The following ZDHHC12 variants were observed in gnomAD, a reference collection of about 807,000 sequenced individuals.
ZDHHC12 encodes zDHHC palmitoyltransferase 12.
ZDHHC12 carries 26 observed loss-of-function variants against 33.2 expected under a neutral mutation model. The ratio of observed to expected loss-of-function variants is 0.78; its 90% CI spans 0.57 to 1.09. The LOEUF (loss-of-function observed/expected upper bound fraction) is 1.09, where lower values mean the gene tolerates loss of function less well. Among genes scored for constraint, ZDHHC12 ranks in the 50% least tolerant of loss-of-function variants. The pLI, the probability that ZDHHC12 is intolerant of heterozygous loss-of-function variation, is 0.00. For missense variants in ZDHHC12, 350 were observed against 353.0 expected, an observed-to-expected ratio of 0.99 and a Z score of 0.07; for synonymous variants, 154 against 152.1, an observed-to-expected ratio of 1.01 and a Z score of -0.09.
chr9:128,721,843 C>G lies in ZDHHC12; in HGVS notation c.316-26G>C. ...CTGTGGGCATGGAGGAGAGTGGAGG[C>G]TCAGTGCCAGCCCTGCTGTGGGCCC... On this transcript the variant is annotated intron_variant, in intron 3 of 4. Transcript: ENST00000372663. The surrounding 1 kb of genome is among the most constrained non-coding windows in gnomAD (Gnocchi z 6.9). The G allele has an allele frequency of 1.2e-6, 2 of 1,608,934 alleles. No homozygotes were observed. Among genetic ancestry groups the G allele is most frequent in the Non-Finnish European group, 1.7e-6 (2 of 1,177,466 alleles).
In ZDHHC12 at chr9:128,721,566, C is replaced by G; in HGVS notation, c.483-64G>C. The G allele has an allele frequency of 6.3e-7, 1 of 1,587,996 alleles. No individual in the cohort carries two copies. The highest frequency in any genetic ancestry group is 1.3e-5 in the African/African-American group (1 of 74,462). ...GCAGGGGAGCCCTTCCCTCCCCATGCCGGGTCCCTGGGAGTCCTGGCTCTG... is the reference window on the plus strand; with the variant it reads ...GCAGGGGAGCCCTTCCCTCCCCATGGCGGGTCCCTGGGAGTCCTGGCTCTG... On this transcript the variant is annotated intron_variant, in intron 4 of 4. Transcript: ENST00000372663. This position sits in a 1 kb window ranked among gnomAD's most constrained non-coding sequence, Gnocchi z 6.9.
At position 128,721,433 on chromosome 9, in the gene ZDHHC12, G is replaced by A. The variant is rs1381852177; in HGVS notation, c.552C>T (p.Phe184=). 1 of 1,585,146 alleles carries A rather than the reference G, an allele frequency of 6.3e-7. No homozygotes were observed. The highest frequency in any genetic ancestry group is 2.3e-5 in the East Asian group (1 of 43,832). ...LRSSGLLFAT[F]LLLSLFSLVA... ...CCAACGAGAAGAGGGACAGCAGCAG[G>A]AAGGTGGCGAACAGGAGCCCGCTGG... is the stretch of plus-strand genomic sequence containing the variant. The change falls in exon 5 of 5, where the codon TTC becomes TTT. Residue 184 remains phenylalanine, a synonymous_variant. Transcript: ENST00000372663. This position sits in a 1 kb window ranked among gnomAD's most constrained non-coding sequence, Gnocchi z 6.9.
chr9:128,723,364 G>C lies in ZDHHC12; in HGVS notation c.100+630C>G, dbSNP rs965717331. On this transcript the variant is annotated intron_variant, in intron 1 of 4. Transcript: ENST00000372663. This position sits in a 1 kb window ranked among gnomAD's most constrained non-coding sequence, Gnocchi z 4.4. ...CCAGTCCAGAAACTGAGGCTGGACC[G>C]CCATGGAAGGAGGGCTGGGGTCTGC... 1.3e-5 allele frequency: 2 copies of C among 152,864 alleles called. No individual in the cohort carries two copies. Among genetic ancestry groups the C allele is most frequent in the Non-Finnish European group, 2.9e-5 (2 of 68,608 alleles). The allele number at this position is 152,864 out of a possible 1,614,324, so 9.5% of individuals were successfully genotyped here. A position where few individuals can be genotyped will look rare whatever the true frequency, so the allele number is the denominator to read the frequency against.
chr9:128,722,627 T>C lies in ZDHHC12; in HGVS notation c.101-53A>G, dbSNP rs1564382775. 2.6e-6 allele frequency: 4 copies of C among 1,563,292 alleles called. No individual in the cohort carries two copies. Among genetic ancestry groups the C allele is most frequent in the Admixed American group, 1.9e-5 (1 of 52,424 alleles). ...CTGGGCCGGGTAGAACAGGAGTGGG[T>C]GGGGTTGGGGTGCAGTTGGAGGTGG... is the stretch of plus-strand genomic sequence containing the variant. On this transcript the variant is annotated intron_variant, in intron 1 of 4. Transcript: ENST00000372663. This position sits in a 1 kb window ranked among gnomAD's most constrained non-coding sequence, Gnocchi z 4.2.
At position 128,721,248 on chromosome 9, in the gene ZDHHC12, C is replaced by G; in HGVS notation, c.737G>C (p.Trp246Ser). The G allele has an allele frequency of 6.2e-7, 1 of 1,605,448 alleles. No individual in the cohort carries two copies. The highest frequency in any genetic ancestry group is 8.5e-7 in the Non-Finnish European group (1 of 1,176,238). The change falls in exon 5 of 5, where the codon TGG (tryptophan) becomes TCG (serine). Residue 246 changes from tryptophan (W) to serine (S), a missense_variant. Physicochemically the swap from Trp to Ser is radical, Grantham distance 177 (BLOSUM62 -3). Coordinates refer to ENST00000372663, the MANE Select transcript of ZDHHC12 (RefSeq NM_032799.5). The surrounding 1 kb of genome is among the most constrained non-coding windows in gnomAD (Gnocchi z 6.9). ...GAGGGTCTCCCAGGACCCTGAGGGC[C>G]ATCCACAGAAGAAGTGGGCCAGGTT... ...TRNLAHFFCG[W>S]PSGSWETLWA...
chr9:128,723,856 G>A lies in ZDHHC12; in HGVS notation c.100+138C>T. The stretch of plus-strand genomic sequence containing the variant: ...GGTGGCTCTTGGAATGATAGATGGG[G>A]AGAGGGCTTCAGGAGCTGGTGGAGA... On this transcript the variant is annotated intron_variant, in intron 1 of 4. Coordinates refer to ENST00000372663, the MANE Select transcript of ZDHHC12 (RefSeq NM_032799.5). The surrounding 1 kb of genome is among the most constrained non-coding windows in gnomAD (Gnocchi z 4.4). The A allele has an allele frequency of 7.6e-7, 1 of 1,316,126 alleles. No homozygotes were observed. Among genetic ancestry groups the A allele is most frequent in the East Asian group, 2.6e-5 (1 of 38,064 alleles). The allele number at this position is 1,316,126 out of a possible 1,614,324, so 81.5% of individuals were successfully genotyped here. A position where few individuals can be genotyped will look rare whatever the true frequency, so the allele number is the denominator to read the frequency against.
chr9:128,721,991 T>C lies in ZDHHC12; in HGVS notation c.315+18A>G. On this transcript the variant is annotated intron_variant, in intron 3 of 4. Transcript: ENST00000372663. The surrounding 1 kb of genome is among the most constrained non-coding windows in gnomAD (Gnocchi z 6.9). ...GCTTTGGCCCAACCTCTCCCACGGG[T>C]GTCCGTGCATCACTCACCAGCACCA... is the stretch of plus-strand genomic sequence containing the variant. 3.1e-6 allele frequency: 5 copies of C among 1,613,770 alleles called. No individual in the cohort carries two copies. Among genetic ancestry groups the C allele is most frequent in the Non-Finnish European group, 4.2e-6 (5 of 1,179,930 alleles).
In ZDHHC12 at chr9:128,721,629, A is replaced by G; in HGVS notation, c.482+22T>C. The G allele has an allele frequency of 1.2e-6, 2 of 1,610,520 alleles. No individual in the cohort carries two copies. The highest frequency in any genetic ancestry group is 1.7e-6 in the Non-Finnish European group (2 of 1,177,860). ...GGAGCATTCATCCCACCCTCCCTCT[A>G]CACCCGGGCAGCAGCACCCACCATG... On this transcript the variant is annotated intron_variant, in intron 4 of 4. Transcript: ENST00000372663. The surrounding 1 kb of genome is among the most constrained non-coding windows in gnomAD (Gnocchi z 6.9).
chr9:128,723,777 A>C lies in ZDHHC12; in HGVS notation c.100+217T>G. 1.4e-6 allele frequency: 1 copy of C among 720,960 alleles called. No homozygotes were observed. The highest frequency in any genetic ancestry group is 2.2e-6 in the Non-Finnish European group (1 of 454,560). 44.7% of individuals were successfully genotyped at this position (720,960 alleles called of 1,614,324 possible). On this transcript the variant is annotated intron_variant, in intron 1 of 4. Coordinates refer to ENST00000372663, the MANE Select transcript of ZDHHC12 (RefSeq NM_032799.5). The surrounding 1 kb of genome is among the most constrained non-coding windows in gnomAD (Gnocchi z 4.4). The stretch of plus-strand genomic sequence containing the variant: ...GGGATGGACAGGGCATTTGGCAATG[A>C]TCAGGAAGATGCTGGGATTAATTAG...
At position 128,722,567 on chromosome 9, in the gene ZDHHC12, C is replaced by A. The variant is rs1350786061; in HGVS notation, c.108G>T (p.Arg36=). 1.3e-6 allele frequency: 2 copies of A among 1,593,204 alleles called. No homozygotes were observed. The highest frequency in any genetic ancestry group is 1.7e-6 in the Non-Finnish European group (2 of 1,169,876). The change falls in exon 2 of 5, where the codon CGG becomes CGT. Residue 36 remains arginine (R), a synonymous_variant. Transcript: ENST00000372663. The surrounding 1 kb of genome is among the most constrained non-coding windows in gnomAD (Gnocchi z 4.2). ...GCAGCTCCCCCTGCTCCTCCCATTG[C>A]CGCAGCTCTGGAGAGGCCGGAGAGC... ...LVLFLHDTEL[R]QWEEQGELLL... is the part of the protein sequence containing the mutation.
In ZDHHC12 at chr9:128,722,468, A is replaced by G; in HGVS notation, c.207T>C (p.Pro69=). 6.5e-7 allele frequency: 1 copy of G among 1,545,126 alleles called. No homozygotes were observed. Among genetic ancestry groups the G allele is most frequent in the Non-Finnish European group, 8.7e-7 (1 of 1,143,476 alleles). ...LLYLAVSLMD[P]GYVNVQPQPQ... is the part of the protein sequence containing the mutation. ...GCTGGGGCTGCACATTCACGTAGCC[A>G]GGGTCCATGAGTGACACAGCGAGGT... Residue 69 remains proline, a synonymous_variant, in exon 2 of 5, where the codon CCT becomes CCC. Transcript: ENST00000372663. This position sits in a 1 kb window ranked among gnomAD's most constrained non-coding sequence, Gnocchi z 4.2.
rs144221145 is a variant in ZDHHC12, at chr9:128,724,040, G to C, written c.54C>G (p.Thr18=). The C allele has an allele frequency of 6.2e-7, 1 of 1,611,870 alleles. No individual in the cohort carries two copies. The highest frequency in any genetic ancestry group is 8.5e-7 in the Non-Finnish European group (1 of 1,178,846). ...SPGVLVRTGH[T]VLTWGITLVL... is the part of the protein sequence containing the mutation. ...CCAGCGTGATTCCCCAGGTCAGCACGGTGTGCCCGGTCCGCACCAGGACCC... is the reference window on the plus strand; with the variant it reads ...CCAGCGTGATTCCCCAGGTCAGCACCGTGTGCCCGGTCCGCACCAGGACCC... The change falls in exon 1 of 5, where the codon ACC becomes ACG. Residue 18 remains threonine, a synonymous_variant. Transcript: ENST00000372663.
rs1179878349 is a variant in ZDHHC12 at position 128,723,965 on chromosome 9, G to T, written c.100+29C>A. On this transcript the variant is annotated intron_variant, in intron 1 of 4. Coordinates refer to ENST00000372663, the MANE Select transcript of ZDHHC12 (RefSeq NM_032799.5). The surrounding 1 kb of genome is among the most constrained non-coding windows in gnomAD (Gnocchi z 4.4). ...CTGGGGAAGTACGCGGGATCGGGTGGGTCCGGGGTCGCTCGGGGTCCGGCT... is the reference window on the plus strand; with the variant it reads ...CTGGGGAAGTACGCGGGATCGGGTGTGTCCGGGGTCGCTCGGGGTCCGGCT... 2 of 1,602,176 alleles carry T rather than the reference G, an allele frequency of 1.2e-6. No homozygotes were observed. The highest frequency in any genetic ancestry group is 1.7e-6 in the Non-Finnish European group (2 of 1,174,284).
chr9:128,722,659 G>T lies in ZDHHC12; in HGVS notation c.101-85C>A, dbSNP rs1226914259. On this transcript the variant is annotated intron_variant, in intron 1 of 4. Transcript: ENST00000372663. This position sits in a 1 kb window ranked among gnomAD's most constrained non-coding sequence, Gnocchi z 4.2. ...GGGGTGCAGTTGGAGGTGGGGAAGT[G>T]TGTTCCTGGCTGAGCAAAGGCCTGG... 4 of 1,536,266 alleles carry T rather than the reference G, an allele frequency of 2.6e-6. No individual in the cohort carries two copies. Among genetic ancestry groups the T allele is most frequent in the Non-Finnish European group, 2.6e-6 (3 of 1,138,166 alleles).
At position 128,721,238 on chromosome 9, in the gene ZDHHC12, C is replaced by G. The variant is rs1589498955; in HGVS notation, c.747G>C (p.Gly249=). The part of the protein sequence containing the change: ...LAHFFCGWPS[G]SWETLWAEEE... ...CCTCAGCCCAGAGGGTCTCCCAGGA[C>G]CCTGAGGGCCATCCACAGAAGAAGT... Residue 249 remains glycine, a synonymous_variant, in exon 5 of 5, where the codon GGG becomes GGC. Transcript: ENST00000372663. The surrounding 1 kb of genome is among the most constrained non-coding windows in gnomAD (Gnocchi z 6.9). 6.2e-7 allele frequency: 1 copy of G among 1,605,000 alleles called. No individual in the cohort carries two copies. The highest frequency in any genetic ancestry group is 2.2e-5 in the East Asian group (1 of 44,670).
rs1450800402 is a variant in ZDHHC12, at chr9:128,723,273, A to T, written c.101-699T>A. 6.6e-6 allele frequency: 1 copy of T among 152,528 alleles called. No individual in the cohort carries two copies. The highest frequency in any genetic ancestry group is 6.6e-5 in the Admixed American group (1 of 15,262). 9.4% of individuals were successfully genotyped at this position (152,528 alleles called of 1,614,324 possible). A position where few individuals can be genotyped will look rare whatever the true frequency, so the allele number is the denominator to read the frequency against. On this transcript the variant is annotated intron_variant, in intron 1 of 4. Transcript: ENST00000372663. The surrounding 1 kb of genome is among the most constrained non-coding windows in gnomAD (Gnocchi z 4.4). ...GTTTTCTGATACGGAGACCTGAGCAAGTTTTTAGGCTAAAGGGTGAAGGTG... is the reference window on the plus strand; with the variant it reads ...GTTTTCTGATACGGAGACCTGAGCATGTTTTTAGGCTAAAGGGTGAAGGTG...
At position 128,723,583 on chromosome 9, in the gene ZDHHC12, G is replaced by T; in HGVS notation, c.100+411C>A. On this transcript the variant is annotated intron_variant, in intron 1 of 4. Transcript: ENST00000372663. This position sits in a 1 kb window ranked among gnomAD's most constrained non-coding sequence, Gnocchi z 4.4. ...GGCAGCTAGTGGCCATGGGGGTGTG[G>T]GGGGTGTGGGTGTGGGCAGAATGCC... 1 of 306,164 alleles carries T rather than the reference G, an allele frequency of 3.3e-6. No homozygotes were observed. The highest frequency in any genetic ancestry group is 5.4e-5 in the East Asian group (1 of 18,604). 19.0% of individuals were successfully genotyped at this position (306,164 alleles called of 1,614,324 possible).
In ZDHHC12 at chr9:128,722,017, G is replaced by C. The variant is rs1489710899; in HGVS notation, c.307C>G (p.Leu103Val). The C allele has an allele frequency of 2.5e-6, 4 of 1,614,050 alleles. No homozygotes were observed. The highest frequency in any genetic ancestry group is 2.2e-5 in the South Asian group (2 of 91,086). The change falls in exon 3 of 5, where the codon CTG (leucine) becomes GTG (valine). Residue 103 changes from leucine to valine, a missense_variant. Transcript: ENST00000372663. This position sits in a 1 kb window ranked among gnomAD's most constrained non-coding sequence, Gnocchi z 4.2. ...AIPLRRCRYCLVLQPLRARHC... is the reference protein window; with the variant it reads ...AIPLRRCRYCVVLQPLRARHC... ...GTCCGTGCATCACTCACCAGCACCA[G>C]GCAGTATCTGCAGCGCCGAAGAGGG... is the stretch of plus-strand genomic sequence containing the variant.
At position 128,721,444 on chromosome 9, in the gene ZDHHC12, A is replaced by G. The variant is rs1314243131; in HGVS notation, c.541T>C (p.Phe181Leu). 8 of 1,587,400 alleles carry G rather than the reference A, an allele frequency of 5.0e-6. No individual in the cohort carries two copies. Among genetic ancestry groups the G allele is most frequent in the Non-Finnish European group, 6.9e-6 (8 of 1,167,546 alleles). ...AGGGACAGCAGCAGGAAGGTGGCGA[A>G]CAGGAGCCCGCTGGACCGCAACCAC... is the stretch of plus-strand genomic sequence containing the variant. The part of the protein sequence containing the change: ...GQWLRSSGLL[F>L]ATFLLLSLFS... The change falls in exon 5 of 5, where the codon TTC (phenylalanine) becomes CTC (leucine). Residue 181 changes from phenylalanine (F) to leucine (L), a missense_variant. Transcript: ENST00000372663. This position sits in a 1 kb window ranked among gnomAD's most constrained non-coding sequence, Gnocchi z 6.9.
Sources: gnomAD v4.1 joint callset for allele counts on GRCh38, gnomAD v4.1.1 for gene constraint, Gnocchi (gnomAD v3.1) non-coding constraint, MANE v1.5 for transcripts, NCBI Gene and HGNC (gene_info 2026-07-23, HGNC 2026-07-21) for gene names.